Variants in PPP1CB observed in about 807,000 individuals in gnomAD.
PPP1CB encodes protein phosphatase 1 catalytic subunit beta.
In PPP1CB, 2 loss-of-function variants were observed where a neutral mutation model predicts 43.7. The ratio of observed to expected loss-of-function variants is 0.05; its 90% CI spans 0.02 to 0.14. PPP1CB has a LOEUF of 0.14. Ranked by LOEUF, PPP1CB falls within the 10% of genes least tolerant of loss-of-function variation. The pLI, the probability that PPP1CB is intolerant of heterozygous loss-of-function variation, is 1.00. For missense variants in PPP1CB, 84 were observed against 398.0 expected, an observed-to-expected ratio of 0.21 and a Z score of 6.71; for synonymous variants, 136 against 135.6, an observed-to-expected ratio of 1.00 and a Z score of -0.02.
In PPP1CB at chr2:28,783,988, G is replaced by C; in HGVS notation, c.592+10G>C. ...GATGTCCCTGATACAGGTAAGTGTA[G>C]AGAGAAGTTTAATTGTTTTGTGTAA... is the stretch of plus-strand genomic sequence containing the variant. On this transcript the variant is annotated intron_variant, in intron 5 of 7. Transcript: ENST00000395366. 6.3e-7 allele frequency: 1 copy of C among 1,586,932 alleles called. No individual in the cohort carries two copies. Among genetic ancestry groups the C allele is most frequent in the Admixed American group, 1.7e-5 (1 of 59,630 alleles).
intron 1 of PPP1CB, among the ~76,000 whole-genome samples, chr2:28,760,666 A>C (rs1477984420): frequency 6.6e-6 from 1 of 152,182 alleles, no homozygotes; most frequent in Non-Finnish European, 1.5e-5. Flanking sequence ...CATTCTCAAG[A>C]TTTGGAGAAA....
chr2:28,765,838 A>G (rs978878652), intron 1 of PPP1CB, among the ~76,000 whole-genome samples: 19 of 152,214 alleles, frequency 1.2e-4, no homozygotes, highest in Non-Finnish European at 2.4e-4. Context: ...GTCTTGAGCC[A>G]GTAGGCTGTA....
At chr2:28,758,957 A>C (rs1666553486) in intron 1 of PPP1CB, among the ~76,000 whole-genome samples, 1 of 152,238 alleles carries the variant, frequency 6.6e-6, no homozygotes, top group Non-Finnish European at 1.5e-5. Context: ...GTTAATCAGA[A>C]TATCCCTAAG....
At chr2:28,781,342 T>C (rs1163314248) in intron 3 of PPP1CB, among the ~76,000 whole-genome samples, 1 of 152,176 alleles carries the variant, frequency 6.6e-6, no homozygotes, top group African/African-American at 2.4e-5. Context: ...GTTAGCATTT[T>C]GGGAGAAAAC....
intron 6 of PPP1CB, among the ~76,000 whole-genome samples, chr2:28,791,130 C>A (rs1667375424): frequency 6.6e-6 from 1 of 152,160 alleles, no homozygotes; most frequent in African/African-American, 2.4e-5. Flanking sequence ...ACTTCCCTTT[C>A]TTTCTGGAGC....
intron 1 of PPP1CB, among the ~76,000 whole-genome samples, chr2:28,753,473 G>C (rs1050655354): frequency 2.0e-5 from 3 of 152,148 alleles, no homozygotes; most frequent in Admixed American, 6.5e-5. Flanking sequence ...AGACTGAATA[G>C]GAAGCAAAAG....
intron 1 of PPP1CB, among the ~76,000 whole-genome samples, chr2:28,762,808 C>G (rs4558548): frequency 0.65 from 98,289 of 152,070 alleles, 32,690 homozygotes; most frequent in Middle Eastern, 0.82. Flanking sequence ...AGCTTATTAT[C>G]TAATACAGTA....
intron 1 of PPP1CB, among the ~76,000 whole-genome samples, chr2:28,770,855 G>A (rs1666892761): frequency 6.6e-6 from 1 of 152,062 alleles, no homozygotes; most frequent in African/African-American, 2.4e-5. Flanking sequence ...CAGTACATTT[G>A]AAAGAAATGA....
At chr2:28,773,636 G>T (rs1021890393) in intron 1 of PPP1CB, among the ~76,000 whole-genome samples, 1 of 150,260 alleles carries the variant, frequency 6.7e-6, no homozygotes, top group African/African-American at 2.5e-5. Flanking sequence ...CAGTCTAGTT[G>T]CCCTGTGTAA....
At chr2:28,770,396 G>T (rs1286399496) in intron 1 of PPP1CB, among the ~76,000 whole-genome samples, 2 of 139,368 alleles carry the variant, frequency 1.4e-5, no homozygotes, top group African/African-American at 2.6e-5. Flanking sequence ...GGGGGGAGGG[G>T]GGTGTGGGGG....
At chr2:28,770,717 A>G (rs1254245475) in intron 1 of PPP1CB, among the ~76,000 whole-genome samples, 3 of 152,188 alleles carry the variant, frequency 2.0e-5, no homozygotes, top group Admixed American at 6.5e-5. Context: ...TTTGAACAAC[A>G]CAGCCACCCT....
chr2:28,788,838 T>C (rs955589888), intron 6 of PPP1CB, 29 bp downstream of exon 6: 9 of 1,558,058 alleles, frequency 5.8e-6, no homozygotes, highest in Non-Finnish European at 5.2e-6. Context: ...TTAAGCTTTT[T>C]CTTTTTTCTT....
intron 1 of PPP1CB, among the ~76,000 whole-genome samples, chr2:28,765,727 G>A (rs1018644718): frequency 6.6e-6 from 1 of 152,066 alleles, no homozygotes; most frequent in Non-Finnish European, 1.5e-5. Context: ...GACCTGCCTG[G>A]GCAACATAGT....
chr2:28,761,847 A>G (rs1666660885), intron 1 of PPP1CB, among the ~76,000 whole-genome samples: 1 of 152,210 alleles, frequency 6.6e-6, no homozygotes, highest in Admixed American at 6.5e-5. Context: ...GCCAGGAACT[A>G]TAGGGCAGTG....
intron 6 of PPP1CB, 89 bp downstream of exon 6, chr2:28,788,898 C>A: frequency 3.8e-6 from 5 of 1,319,814 alleles, no homozygotes; most frequent in Middle Eastern, 2.7e-4. Context: ...TGTTCTGTCA[C>A]CCAGGCTGGA....
chr2:28,762,936 G>A (rs1666689560), intron 1 of PPP1CB, among the ~76,000 whole-genome samples: 2 of 152,226 alleles, frequency 1.3e-5, no homozygotes, highest in South Asian at 2.1e-4. Flanking sequence ...TTTGTAACTT[G>A]AAAGCTTGAA....
At chr2:28,757,187 C>T (rs1276666026) in intron 1 of PPP1CB, among the ~76,000 whole-genome samples, 1 of 152,154 alleles carries the variant, frequency 6.6e-6, no homozygotes, top group Non-Finnish European at 1.5e-5. Flanking sequence ...TAACATTCAT[C>T]TTTGTTGTAG....
intron 1 of PPP1CB, among the ~76,000 whole-genome samples, chr2:28,763,702 CGTTA>C (rs10596803): frequency 0.41 from 62,715 of 151,620 alleles, 13,848 homozygotes; most frequent in Middle Eastern, 0.53. Context: ...TCTGAATCCA[CGTTA>C]GTTATTCTTT....
rs753746824 is a variant in PPP1CB, at chr2:28,800,315, GAC to G, written c.*1015_*1016del. ...CTTTTTTGACAAGCCTTGGAAAGCTGACACTGTCTCTTTTTCCTCCCTCTATA... is the reference window on the plus strand; with the variant it reads ...CTTTTTTGACAAGCCTTGGAAAGCTGACTGTCTCTTTTTCCTCCCTCTATA... On this transcript the variant is annotated 3_prime_UTR_variant, in exon 8 of 8. Coordinates refer to ENST00000395366, the MANE Select transcript of PPP1CB (RefSeq NM_002709.3). 11 of 131,606 alleles carry G rather than the reference GAC, an allele frequency of 8.4e-5. No individual in the cohort carries two copies. The highest frequency in any genetic ancestry group is 1.2e-4 in the Non-Finnish European group (8 of 64,720). 8.2% of individuals were successfully genotyped at this position (131,606 alleles called of 1,614,324 possible).
Sources: gnomAD v4.1 joint callset for allele counts (sites outside exome capture counted in the v4.1 genomes callset) on GRCh38, gnomAD v4.1.1 for gene constraint, MANE v1.5 for transcripts, NCBI Gene and HGNC (gene_info 2026-07-23, HGNC 2026-07-21) for gene names.